The following RNF13 variants were observed in gnomAD, a reference collection of about 807,000 sequenced individuals.
RNF13 encodes the protein E3 ubiquitin-protein ligase RNF13.
Under a neutral mutation model 37.7 loss-of-function variants are expected in RNF13, and 19 were observed. The observed-to-expected ratio is 0.50, with a 90% CI of 0.35 to 0.74. RNF13 has a LOEUF of 0.74. RNF13 is among the 30% of genes least tolerant of loss of function. The pLI is 0.01. For synonymous variants in RNF13, 144 were observed against 157.8 expected (o/e 0.91, Z 0.65); for missense variants, 375 against 453.0 (o/e 0.83, Z 1.56).
At chr3:149,881,219 A>G (rs1713358794) in intron 4 of RNF13, among the ~76,000 whole-genome samples, 1 of 152,164 alleles carries the variant, frequency 6.6e-6, no homozygotes, top group Admixed American at 6.5e-5. Context: ...AAGTTCAAAA[A>G]TTGCTTTTTA....
intron 1 of RNF13, among the ~76,000 whole-genome samples, chr3:149,836,782 A>C (rs180927524): frequency 6.6e-6 from 1 of 152,210 alleles, no homozygotes; most frequent in Non-Finnish European, 1.5e-5. Flanking sequence ...GATCAGTAAC[A>C]TGGGGTATGT....
chr3:149,868,807 T>G (rs1559918019), intron 3 of RNF13, among the ~76,000 whole-genome samples: 1 of 151,824 alleles, frequency 6.6e-6, no homozygotes, highest in African/African-American at 2.4e-5. Flanking sequence ...AGAGTTTGAT[T>G]AGTGTATGTC....
At chr3:149,902,198 ATTC>A (rs769411696) in intron 6 of RNF13, 36 bp downstream of exon 6, 4 of 974,544 alleles carry the variant, frequency 4.1e-6, no homozygotes, top group South Asian at 1.6e-5. Flanking sequence ...GTTGCTTAAA[ATTC>A]TTCTTTATAT....
chr3:149,857,558 G>C (rs28727389), intron 3 of RNF13, among the ~76,000 whole-genome samples: 32,196 of 152,184 alleles, frequency 0.21, 3,775 homozygotes, highest in Middle Eastern at 0.31. Context: ...TTAGTTTACA[G>C]TTCTTTTGAA....
intron 5 of RNF13, among the ~76,000 whole-genome samples, chr3:149,899,830 G>T (rs916509789): frequency 6.6e-6 from 1 of 152,174 alleles, no homozygotes; most frequent in African/African-American, 2.4e-5. Flanking sequence ...AGAGTTGATC[G>T]ACTGAGAGAA....
chr3:149,894,216 T>C (rs1434368057), intron 4 of RNF13, among the ~76,000 whole-genome samples: 3 of 152,166 alleles, frequency 2.0e-5, no homozygotes, highest in African/African-American at 7.2e-5. Flanking sequence ...GTTGTCTCTT[T>C]CAGAAATCTA....
chr3:149,842,241 T>C (rs1221389941), intron 1 of RNF13, among the ~76,000 whole-genome samples: 1 of 150,772 alleles, frequency 6.6e-6, no homozygotes, highest in Non-Finnish European at 1.5e-5. Context: ...CTTTATTTAT[T>C]GTTGCCTGTG....
At chr3:149,914,013 C>G (rs1295440851) in intron 7 of RNF13, among the ~76,000 whole-genome samples, 1 of 152,150 alleles carries the variant, frequency 6.6e-6, no homozygotes, top group South Asian at 2.1e-4. Context: ...CTCTTCTCAG[C>G]ATTTATTTAT....
At chr3:149,860,270 A>AAAAATATATATATATATATAT (rs1302318768) in intron 3 of RNF13, among the ~76,000 whole-genome samples, 1 of 104,116 alleles carries the variant, frequency 9.6e-6, no homozygotes, top group African/African-American at 4.2e-5. Context: ...AAAAAAAAAA[A>AAAAATATATATATATATATAT]ATATATATAT....
At chr3:149,946,918 T>C (rs1720823310) in intron 8 of RNF13, among the ~76,000 whole-genome samples, 1 of 152,222 alleles carries the variant, frequency 6.6e-6, no homozygotes, top group Non-Finnish European at 1.5e-5. Context: ...GACTTTCCTC[T>C]TAATACTGTT....
intron 4 of RNF13, among the ~76,000 whole-genome samples, chr3:149,888,513 G>T (rs1165809919): frequency 6.6e-6 from 1 of 152,104 alleles, no homozygotes; most frequent in Admixed American, 6.5e-5. Flanking sequence ...CCTGCTTTTG[G>T]GCTTGCCTTT....
At chr3:149,894,077 T>G (rs917098219) in intron 4 of RNF13, among the ~76,000 whole-genome samples, 2 of 152,222 alleles carry the variant, frequency 1.3e-5, no homozygotes, top group African/African-American at 4.8e-5. Flanking sequence ...CTACCCTGTG[T>G]CAGGCTATTT....
At chr3:149,929,484 C>A (rs917496154) in intron 8 of RNF13, among the ~76,000 whole-genome samples, 3 of 152,152 alleles carry the variant, frequency 2.0e-5, no homozygotes, top group Non-Finnish European at 2.9e-5. Flanking sequence ...ATCATGTCAT[C>A]TGTGAATAGG....
rs1465275340 is a variant in RNF13, at chr3:149,822,753, C to T, written c.-17+9400C>T. Among the ~76,000 whole-genome samples the T allele has an allele frequency of 2.0e-5, 3 of 152,006 alleles. No homozygotes were observed. The East Asian group carries it at 5.8e-4, about 29-fold the overall frequency. Reference sequence around the variant, plus strand: ...TTAGGTTTGGAGAGAAGTGTCAATACGTAATTCATTTTCAAAGTTACAATT... The same window carrying T: ...TTAGGTTTGGAGAGAAGTGTCAATATGTAATTCATTTTCAAAGTTACAATT... On this transcript the variant is annotated intron_variant, in intron 1 of 9. Coordinates refer to ENST00000392894, the MANE Select transcript of RNF13 (RefSeq NM_183381.3).
intron 4 of RNF13, among the ~76,000 whole-genome samples, chr3:149,889,813 C>T (rs1714502602): frequency 6.6e-6 from 1 of 151,856 alleles, no homozygotes; most frequent in South Asian, 2.1e-4. Context: ...CACCACTGTG[C>T]CCAGCTGATT....
intron 6 of RNF13, among the ~76,000 whole-genome samples, chr3:149,910,040 T>C (rs900636536): frequency 1.3e-5 from 2 of 152,174 alleles, no homozygotes; most frequent in Non-Finnish European, 2.9e-5. Flanking sequence ...TATGCAATAG[T>C]CTGGCTTCTA....
At chr3:149,814,268 ATAAG>A (rs939537825) in intron 1 of RNF13, 1 of 152,168 alleles carries the variant, frequency 6.6e-6, no homozygotes, top group African/African-American at 2.4e-5. Flanking sequence ...TACAATATAA[ATAAG>A]TAAGGTGGCT....
In RNF13 at chr3:149,868,928, C is replaced by T. The variant is rs150968722; in HGVS notation, c.196-3101C>T. On this transcript the variant is annotated intron_variant, in intron 3 of 9. Transcript: ENST00000392894. ...GTTTTTTATTATTTTTTTGAATAAGCTTTCTATACCTTACTTTTGCTCAGC... is the reference window on the plus strand; with the variant it reads ...GTTTTTTATTATTTTTTTGAATAAGTTTTCTATACCTTACTTTTGCTCAGC... Among the ~76,000 whole-genome samples the T allele has an allele frequency of 1.3e-3, 204 of 151,734 alleles. 8 individuals carry two copies. In the East Asian group the frequency reaches 0.036, roughly 27 times the overall value.
At chr3:149,820,533 A>T (rs1248612321) in intron 1 of RNF13, among the ~76,000 whole-genome samples, 1 of 152,174 alleles carries the variant, frequency 6.6e-6, no homozygotes, top group Non-Finnish European at 1.5e-5. Context: ...AGAATACTTT[A>T]TTTGCATACT....
Sources: gnomAD v4.1 joint callset for allele counts (sites outside exome capture counted in the v4.1 genomes callset) on GRCh38, gnomAD v4.1.1 for gene constraint, MANE v1.5 for transcripts, NCBI Gene and HGNC (gene_info 2026-07-23, HGNC 2026-07-21) for gene names.